Variants in CDH15 observed in about 807,000 individuals in gnomAD.
The protein encoded by CDH15 is cadherin 15, also known as cadherin-15.
In CDH15, 73 loss-of-function variants were observed where a neutral mutation model predicts 69.4. That is an observed-to-expected ratio of 1.05 (90% CI 0.87 to 1.28). The LOEUF is 1.28. Among genes scored for constraint, CDH15 ranks in the 50% most tolerant of loss-of-function variants. CDH15 has a pLI of 0.00. For synonymous variants in CDH15, 624 were observed against 507.7 expected (o/e 1.23, Z -3.08); for missense variants, 1,343 against 1,133.6 (o/e 1.18, Z -2.65).
rs372538685 is a variant in CDH15, at chr16:89,195,021, C to T, written c.2311C>T (p.Pro771Ser). ...CTACGACTACCTCAGAGACTGGGGG[C>T]CCCGCTTCGCCCGGCTGGCAGACAT... ...QDYDYLRDWG[P>S]RFARLADMYG... The change falls in exon 14 of 14, where the codon CCC becomes TCC. Residue 771 changes from proline (P) to serine (S), a missense_variant. Pro to Ser is a moderately conservative substitution (Grantham distance 74). Coordinates refer to ENST00000289746, the MANE Select transcript of CDH15 (RefSeq NM_004933.3). The T allele has an allele frequency of 7.4e-6, 12 of 1,612,070 alleles. No individual in the cohort carries two copies. The highest frequency in any genetic ancestry group is 5.3e-5 in the African/African-American group (4 of 74,894).
At chr16:89,190,189 T>C (rs1246258726) in intron 7 of CDH15, 54 bp from the exon 8 acceptor site, 1 of 1,593,308 alleles carries the variant, frequency 6.3e-7, no homozygotes, top group Non-Finnish European at 8.5e-7. Context: ...GCACCTGCCC[T>C]CGGGTGCCCA....
intron 1 of CDH15, 25 bp downstream of exon 1, chr16:89,171,898 TC>T: frequency 6.5e-7 from 1 of 1,544,690 alleles, no homozygotes. Flanking sequence ...CCTGCGGGGG[TC>T]CCCGCTGCCT....
Position 89,193,511 on chromosome 16 carries a change from C to A in CDH15, c.1897C>A (p.Gln633Lys), listed in dbSNP as rs1449983791. ...GGCACTCCGGGCGCGGTTCTGGAAGCAGTCTCGGGGCAAGGGGCTGCTGCA... is the reference window on the plus strand; with the variant it reads ...GGCACTCCGGGCGCGGTTCTGGAAGAAGTCTCGGGGCAAGGGGCTGCTGCA... ...LVALRARFWK[Q>K]SRGKGLLHGP... Residue 633 changes from glutamine (Q) to lysine (K), a missense_variant, in exon 12 of 14, where the codon CAG (glutamine) becomes AAG (lysine). Coordinates refer to ENST00000289746, the MANE Select transcript of CDH15 (RefSeq NM_004933.3). 6.2e-7 allele frequency: 1 copy of A among 1,612,162 alleles called. No individual in the cohort carries two copies. Among genetic ancestry groups the A allele is most frequent in the Non-Finnish European group, 8.5e-7 (1 of 1,179,802 alleles).
chr16:89,185,503 G>A (rs1475006464), intron 5 of CDH15, 170 bp downstream of exon 5: 5 of 813,794 alleles, frequency 6.1e-6, no homozygotes, highest in East Asian at 2.7e-5. Context: ...ACCCACTGAT[G>A]CGCAGACAGG....
intron 5 of CDH15, chr16:89,185,608 G>T: frequency 1.9e-6 from 1 of 537,160 alleles, no homozygotes; most frequent in Non-Finnish European, 3.4e-6. Flanking sequence ...GCCCCTCTCA[G>T]CCTCATGGCA....
intron 3 of CDH15, among the ~76,000 whole-genome samples, chr16:89,180,965 G>A (rs904275722): frequency 2.0e-4 from 19 of 93,902 alleles, no homozygotes; most frequent in African/African-American, 3.4e-4. Context: ...GTGAGCCACC[G>A]CGCCCGACCT....
At chr16:89,173,810 C>G (rs1026486031) in intron 1 of CDH15, among the ~76,000 whole-genome samples, 3 of 152,228 alleles carry the variant, frequency 2.0e-5, no homozygotes, top group Admixed American at 6.5e-5. Flanking sequence ...TCAGAACTGG[C>G]CCCTCTCAGC....
Position 89,192,201 on chromosome 16 carries a change from G to A in CDH15, c.1616-4G>A. 1.3e-6 allele frequency: 2 copies of A among 1,528,926 alleles called. No homozygotes were observed. Among genetic ancestry groups the A allele is most frequent in the Non-Finnish European group, 1.7e-6 (2 of 1,144,290 alleles). The allele number at this position is 1,528,926 out of a possible 1,614,324, so 94.7% of individuals were successfully genotyped here. A position where few individuals can be genotyped will look rare whatever the true frequency, so the allele number is the denominator to read the frequency against. On this transcript the variant is annotated splice_polypyrimidine_tract_variant and splice_region_variant and intron_variant, in intron 10 of 13. Transcript: ENST00000289746. ...CCCTCGCTCACCACAGGCGCCCTCC[G>A]CAGTGAGCCACGCGCGCCTGCGGCC...
chr16:89,175,394 T>A (rs1290469027), intron 1 of CDH15, among the ~76,000 whole-genome samples: 1 of 152,196 alleles, frequency 6.6e-6, no homozygotes, highest in Non-Finnish European at 1.5e-5. Context: ...TGTGGCTGGA[T>A]TTCCTTCAGA....
intron 4 of CDH15, among the ~76,000 whole-genome samples, chr16:89,183,956 G>C (rs924764572): frequency 1.3e-5 from 2 of 152,144 alleles, no homozygotes; most frequent in Admixed American, 6.5e-5. Context: ...TCTCCCTCCT[G>C]CTGAGGGGGC....
intron 6 of CDH15, 121 bp downstream of exon 6, chr16:89,187,678 G>T: frequency 1.4e-6 from 2 of 1,420,064 alleles, no homozygotes; most frequent in South Asian, 2.4e-5. Flanking sequence ...TTTGGAGAAG[G>T]AACTCCGCGT....
chr16:89,190,499 G>A lies in CDH15; in HGVS notation c.1232+3G>A, dbSNP rs1274289851. Reference sequence around the variant, plus strand: ...ACAGAGCAGCTGCAGAGGCTCAGGTGGGGCTCCTGAGGCCCTGGGAGAGGT... The same window carrying A: ...ACAGAGCAGCTGCAGAGGCTCAGGTAGGGCTCCTGAGGCCCTGGGAGAGGT... On this transcript the variant is annotated splice_donor_region_variant and intron_variant, in intron 8 of 13. Transcript: ENST00000289746. 1.9e-6 allele frequency: 3 copies of A among 1,587,898 alleles called. No homozygotes were observed. Among genetic ancestry groups the A allele is most frequent in the Non-Finnish European group, 1.7e-6 (2 of 1,168,174 alleles).
intron 3 of CDH15, 33 bp downstream of exon 3, chr16:89,180,388 C>T (rs1282310038): frequency 6.9e-6 from 11 of 1,603,026 alleles, no homozygotes; most frequent in Admixed American, 3.4e-5. Context: ...CTGTGCCCCT[C>T]AAGCAGGCCT....
rs767771896 is a variant in CDH15, at chr16:89,183,537, T to C, written c.358-11T>C. ...GGCCACAGAGCCAGCCCTTGCTCTA[T>C]GTTTGAACAGCTAAGAGCGTTTGCC... On this transcript the variant is annotated splice_polypyrimidine_tract_variant and intron_variant, in intron 3 of 13. Transcript: ENST00000289746. The C allele has an allele frequency of 5.6e-6, 9 of 1,613,964 alleles. No homozygotes were observed. Among genetic ancestry groups the C allele is most frequent in the Non-Finnish European group, 7.6e-6 (9 of 1,180,036 alleles).
intron 1 of CDH15, among the ~76,000 whole-genome samples, chr16:89,177,494 C>T (rs1002816536): frequency 3.3e-5 from 5 of 152,030 alleles, no homozygotes; most frequent in African/African-American, 9.7e-5. Context: ...GAGGGTCACC[C>T]GAGAGAAAGG....
intron 1 of CDH15, among the ~76,000 whole-genome samples, chr16:89,178,848 C>T (rs1281718578): frequency 1.3e-5 from 2 of 152,180 alleles, no homozygotes; most frequent in African/African-American, 4.8e-5. Flanking sequence ...AGGCACCTCC[C>T]CTGCCGCTCC....
chr16:89,188,821 GATGCCCACGCACAGGTGCCCA>G (rs1915561744), intron 7 of CDH15, among the ~76,000 whole-genome samples: 1 of 67,030 alleles, frequency 1.5e-5, no homozygotes, highest in African/African-American at 6.7e-5. Context: ...CTGGCACACA[GATGCCCACGCACAGGTGCCCA>G]CACACAGATG....
At chr16:89,182,201 G>C (rs28867775) in intron 3 of CDH15, among the ~76,000 whole-genome samples, 3 of 15,148 alleles carry the variant, frequency 2.0e-4, no homozygotes, top group East Asian at 4.9e-3. Flanking sequence ...CCCCCAGCCT[G>C]CCCTCCCCCA....
At chr16:89,181,904 A>G (rs931778917) in intron 3 of CDH15, among the ~76,000 whole-genome samples, 4 of 150,658 alleles carry the variant, frequency 2.7e-5, no homozygotes, top group African/African-American at 9.8e-5. Flanking sequence ...TCGCCACTGC[A>G]CTCCAGCCTG....
Sources: allele counts gnomAD v4.1 joint callset (sites outside exome capture counted in the v4.1 genomes callset), GRCh38; gene constraint gnomAD v4.1.1; transcripts MANE v1.5; gene names NCBI Gene and HGNC (gene_info 2026-07-23, HGNC 2026-07-21).